DACH2: variants seen among roughly 807,000 people sequenced by gnomAD.
DACH2 encodes the protein dachshund family transcription factor 2, also known as dachshund homolog 2.
DACH2 carries 17 observed loss-of-function variants against 35.8 expected under a neutral mutation model. The ratio of observed to expected loss-of-function variants is 0.48; its 90% CI spans 0.33 to 0.71. The LOEUF (loss-of-function observed/expected upper bound fraction) is 0.71. Among genes scored for constraint, DACH2 ranks in the 30% least tolerant of loss-of-function variants. The pLI is 0.02. For synonymous variants in DACH2, 195 were observed against 177.3 expected, an observed-to-expected ratio of 1.10 and a Z score of -0.79; for missense variants, 469 against 472.7, an observed-to-expected ratio of 0.99 and a Z score of 0.07.
At position 86,808,372 on chromosome X, in the gene DACH2, C is replaced by T. The variant is rs1477664552; in HGVS notation, c.1241-4484C>T. Among the ~76,000 whole-genome samples the T allele has an allele frequency of 6.3e-5, 7 of 111,681 alleles. No individual in the cohort carries two copies. The East Asian group carries it at 8.4e-4, about 13-fold the overall frequency. On this transcript the variant is annotated intron_variant, in intron 7 of 11. Coordinates refer to ENST00000373125, the MANE Select transcript of DACH2 (RefSeq NM_053281.3). ...TCTGTGTCACTTTCTCAGGCTGGTA[C>T]GTCTTCATTCCTTTGCTACTAGCTT...
At chrX:86,216,975 C>A (rs2032586652) in intron 1 of DACH2, among the ~76,000 whole-genome samples, 1 of 109,920 alleles carries the variant, frequency 9.1e-6, no homozygotes, top group Non-Finnish European at 1.9e-5. Flanking sequence ...CCTGTAACCC[C>A]AGCTACTCAG....
At chrX:86,795,991 G>A (rs1468653613) in intron 7 of DACH2, among the ~76,000 whole-genome samples, 2 of 111,668 alleles carry the variant, frequency 1.8e-5, no homozygotes, top group East Asian at 2.8e-4. Context: ...TGTGAAGAGC[G>A]AAAGAACAAA....
At chrX:86,153,458 G>C (rs1199364322) in intron 1 of DACH2, among the ~76,000 whole-genome samples, 1 of 111,292 alleles carries the variant, frequency 9.0e-6, no homozygotes, top group Non-Finnish European at 1.9e-5. Flanking sequence ...GTACTTTATA[G>C]TTCATGATCC....
At chrX:86,634,192 G>A (rs945797767) in intron 3 of DACH2, among the ~76,000 whole-genome samples, 19 of 111,184 alleles carry the variant, frequency 1.7e-4, no homozygotes, top group Non-Finnish European at 3.2e-4. Context: ...AATGGCAAGC[G>A]GAAAATTCAC....
intron 4 of DACH2, among the ~76,000 whole-genome samples, chrX:86,678,981 C>T (rs2040850143): frequency 9.0e-6 from 1 of 111,327 alleles, no homozygotes; most frequent in African/African-American, 3.3e-5. Flanking sequence ...TCCAGATCTC[C>T]ATGTCCTTTT....
intron 1 of DACH2, among the ~76,000 whole-genome samples, chrX:86,344,395 A>C (rs772590866): frequency 2.8e-4 from 30 of 107,303 alleles, no homozygotes; most frequent in Non-Finnish European, 5.2e-4. Context: ...TATTGTTTTC[A>C]GTCCTCTTGT....
chrX:86,511,048 T>A (rs976640694), intron 2 of DACH2, among the ~76,000 whole-genome samples: 3 of 111,851 alleles, frequency 2.7e-5, no homozygotes, highest in African/African-American at 6.5e-5. Context: ...CAAATAACAG[T>A]TACCTAGTTA....
chrX:86,695,521 T>G (rs747991414), intron 5 of DACH2, among the ~76,000 whole-genome samples: 2 of 106,962 alleles, frequency 1.9e-5, no homozygotes, highest in East Asian at 5.9e-4. Flanking sequence ...AATTCTTTTT[T>G]TTTTTTTAAA....
intron 6 of DACH2, among the ~76,000 whole-genome samples, chrX:86,729,402 A>G (rs1256971691): frequency 8.9e-6 from 1 of 111,823 alleles, no homozygotes; most frequent in Admixed American, 9.5e-5. Context: ...AATTAGTTTT[A>G]TAGGCTCATA....
chrX:86,594,193 C>T (rs965759169), intron 3 of DACH2, among the ~76,000 whole-genome samples: 3 of 110,763 alleles, frequency 2.7e-5, no homozygotes, highest in Non-Finnish European at 3.8e-5. Context: ...GTAATGATAA[C>T]TGTCTTCTCA....
At position 86,558,315 on chromosome X, in the gene DACH2, T is replaced by C. The variant is rs1321670657; in HGVS notation, c.640+43924T>C. On this transcript the variant is annotated intron_variant, in intron 3 of 11. Coordinates refer to ENST00000373125, the MANE Select transcript of DACH2 (RefSeq NM_053281.3). Reference sequence around the variant, plus strand: ...CACTTGATCATGGTGGATAAGCTTTTTGATGTGCTGCTGGATTCGGTTTGC... The same window carrying C: ...CACTTGATCATGGTGGATAAGCTTTCTGATGTGCTGCTGGATTCGGTTTGC... Among the ~76,000 whole-genome samples the C allele has an allele frequency of 4.6e-5, 2 of 43,462 alleles. 1 individual carries two copies. Among genetic ancestry groups the C allele is most frequent in the Non-Finnish European group, 7.4e-5 (2 of 26,865 alleles). The allele number at this position is 43,462 out of a possible 115,157, so 37.7% of individuals were successfully genotyped here.
intron 6 of DACH2, among the ~76,000 whole-genome samples, chrX:86,726,265 C>T (rs11798466): frequency 0.27 from 29,922 of 110,221 alleles, 3,388 homozygotes; most frequent in Middle Eastern, 0.42. Context: ...GTCCAGTCTC[C>T]TCCCTCTTCA....
At chrX:86,286,189 G>A (rs1422241034) in intron 1 of DACH2, among the ~76,000 whole-genome samples, 5 of 86,406 alleles carry the variant, frequency 5.8e-5, no homozygotes, top group East Asian at 3.9e-4. Flanking sequence ...CTGCAGTGGC[G>A]CAATCTCGGC....
chrX:86,832,355 C>G lies in DACH2; in HGVS notation c.*200C>G. 1 of 372,001 alleles carries G rather than the reference C, an allele frequency of 2.7e-6. No individual in the cohort carries two copies. Among genetic ancestry groups the G allele is most frequent in the Non-Finnish European group, 4.6e-6 (1 of 219,325 alleles). The allele number at this position is 372,001 out of a possible 1,213,427, so 30.7% of individuals were successfully genotyped here. A position where few individuals can be genotyped will look rare whatever the true frequency, so the allele number is the denominator to read the frequency against. ...ATGTAAACTTTGTTCTTGCATTAGA[C>G]TGACCAGTTTAAAAATATGAACTAA... On this transcript the variant is annotated 3_prime_UTR_variant, in exon 12 of 12. Coordinates refer to ENST00000373125, the MANE Select transcript of DACH2 (RefSeq NM_053281.3).
At position 86,374,087 on chromosome X, in the gene DACH2, G is replaced by A. The variant is rs141803227; in HGVS notation, c.489-2737G>A. Among the ~76,000 whole-genome samples the A allele has an allele frequency of 6.1e-3, 676 of 110,389 alleles. 9 individuals carry two copies. The highest frequency in any genetic ancestry group is 0.02 in the African/African-American group (614 of 30,527). ...TTTATTGCCTCCTGTCATGTGTCTC[G>A]CATGCTGTTTCTCTATATTATTAAA... On this transcript the variant is annotated intron_variant, in intron 1 of 11. Transcript: ENST00000373125.
At chrX:86,635,759 A>G (rs1455857845) in intron 3 of DACH2, among the ~76,000 whole-genome samples, 2 of 111,635 alleles carry the variant, frequency 1.8e-5, no homozygotes, top group Non-Finnish European at 3.8e-5. Flanking sequence ...GAATCAAATC[A>G]TGAACACAGT....
chrX:86,297,995 G>A lies in DACH2; in HGVS notation c.489-78829G>A, dbSNP rs144070011. ...TAGTTCCACAGGTGACTCAGGCCTGGCCAGCAGTGAACCTCCTTGCCTTCT... is the reference window on the plus strand; with the variant it reads ...TAGTTCCACAGGTGACTCAGGCCTGACCAGCAGTGAACCTCCTTGCCTTCT... On this transcript the variant is annotated intron_variant, in intron 1 of 11. Transcript: ENST00000373125. Among the ~76,000 whole-genome samples, 873 of 111,786 alleles carry A rather than the reference G, an allele frequency of 7.8e-3. 4 individuals carry two copies. The highest frequency in any genetic ancestry group is 0.027 in the African/African-American group (832 of 30,790).
chrX:86,249,557 G>T (rs1345192121), intron 1 of DACH2, among the ~76,000 whole-genome samples: 1 of 111,268 alleles, frequency 9.0e-6, no homozygotes, highest in East Asian at 2.8e-4. Flanking sequence ...AATCACAGAT[G>T]CTGGTGATGC....
chrX:86,278,062 G>A (rs1490257916), intron 1 of DACH2, among the ~76,000 whole-genome samples: 1 of 111,266 alleles, frequency 9.0e-6, no homozygotes, highest in Non-Finnish European at 1.9e-5. Flanking sequence ...ACTTCCCAAA[G>A]CCAAACTTGC....
Sources: gnomAD v4.1 joint callset for allele counts (sites outside exome capture counted in the v4.1 genomes callset) on GRCh38, gnomAD v4.1.1 for gene constraint, MANE v1.5 for transcripts, NCBI Gene and HGNC (gene_info 2026-07-23, HGNC 2026-07-21) for gene names.